The following THBS2 variants were observed in gnomAD, a reference collection of about 807,000 sequenced individuals.
THBS2 encodes the protein thrombospondin 2.
In THBS2, 47 loss-of-function variants were observed where a neutral mutation model predicts 135.2. The ratio of observed to expected loss-of-function variants is 0.35; its 90% confidence interval spans 0.28 to 0.44. THBS2 has a LOEUF of 0.44. Ranked by LOEUF, THBS2 falls within the 20% of genes least tolerant of loss-of-function variation. The probability of loss-of-function intolerance (pLI) is 1.00; values close to 1 mark genes in which losing one functional copy is unlikely to be tolerated. For synonymous variants in THBS2, 639 were observed against 633.8 expected, an observed-to-expected ratio of 1.01 and a Z score of -0.12; for missense variants, 1,288 against 1,603.1, an observed-to-expected ratio of 0.80 and a Z score of 3.36.
chr6:169,245,740 C>T (rs1413752060), intron 4 of THBS2, among the ~76,000 whole-genome samples: 1 of 150,426 alleles, frequency 6.6e-6, no homozygotes, highest in African/African-American at 2.5e-5. Context: ...TGCAGTGAGC[C>T]CAGATCGCAC....
chr6:169,232,854 C>G, intron 11 of THBS2, 36 bp downstream of exon 11: 1 of 1,606,578 alleles, frequency 6.2e-7, no homozygotes, highest in Non-Finnish European at 8.5e-7. Context: ...CGCTCCCGAC[C>G]TCAGGGCGCC....
rs1780782027 is a variant in THBS2 at position 169,252,270 on chromosome 6, C to T, written c.-23+1454G>A. On this transcript the variant is annotated intron_variant, in intron 1 of 21. Transcript: ENST00000617924. This position sits in a 1 kb window ranked among gnomAD's most constrained non-coding sequence, Gnocchi z 4.3. ...GAGGGTTTAATGACAGGAGCGAACA[C>T]TTGGCCATGAGCTTAGAACAGTACC... is the stretch of plus-strand genomic sequence containing the variant. The T allele has an allele frequency of 6.6e-6, 1 of 152,190 alleles. No homozygotes were observed. The highest frequency in any genetic ancestry group is 1.5e-5 in the Non-Finnish European group (1 of 68,070). The allele number at this position is 152,190 out of a possible 1,614,324, so 9.4% of individuals were successfully genotyped here.
chr6:169,236,323 A>C (rs1420479487), intron 9 of THBS2, among the ~76,000 whole-genome samples: 22 of 26,472 alleles, frequency 8.3e-4, no homozygotes, highest in Admixed American at 1.7e-3. Context: ...ATCCACACTC[A>C]CTCCCCCATC....
At chr6:169,227,691 A>G (rs187552799) in intron 15 of THBS2, among the ~76,000 whole-genome samples, 1 of 152,318 alleles carries the variant, frequency 6.6e-6, no homozygotes, top group African/African-American at 2.4e-5. Flanking sequence ...AACTGAATGA[A>G]TCATTTAATC....
chr6:169,217,786 T>G lies in THBS2; in HGVS notation c.*36A>C, dbSNP rs760241678. Reference sequence around the variant, plus strand: ...ACTGAGGTGTCTAGGGACCATGGCATGCACAGGGCATTGCCGGAAATGCAG... The same window carrying G: ...ACTGAGGTGTCTAGGGACCATGGCAGGCACAGGGCATTGCCGGAAATGCAG... On this transcript the variant is annotated 3_prime_UTR_variant, in exon 22 of 22. Transcript: ENST00000617924. 4.2e-5 allele frequency: 68 copies of G among 1,610,062 alleles called. 1 individual carries two copies. Among genetic ancestry groups the G allele is most frequent in the Middle Eastern group, 1.7e-4 (1 of 5,992 alleles).
chr6:169,221,612 C>T, intron 19 of THBS2, 85 bp from the exon 20 acceptor site: 1 of 1,198,644 alleles, frequency 8.3e-7, no homozygotes. Context: ...GAAGCAAAAA[C>T]ATGACTTTGC....
chr6:169,237,804 G>A lies in THBS2; in HGVS notation c.1130-9C>T, dbSNP rs983300979. ...CTCCTCACCGTCCACCGCTGCCAGA[G>A]GAAGCAAACACGGTGGCATCAGGCC... On this transcript the variant is annotated splice_polypyrimidine_tract_variant and intron_variant, in intron 7 of 21. Transcript: ENST00000617924. 1.2e-6 allele frequency: 2 copies of A among 1,606,782 alleles called. No individual in the cohort carries two copies. The highest frequency in any genetic ancestry group is 2.7e-5 in the African/African-American group (2 of 74,868).
intron 2 of THBS2, 35 bp downstream of exon 2, chr6:169,250,698 G>A (rs1395822035): frequency 6.2e-7 from 1 of 1,603,298 alleles, no homozygotes; most frequent in Admixed American, 1.7e-5. Flanking sequence ...TATCTCACAA[G>A]CCAGAGAGAG....
At position 169,250,824 on chromosome 6, in the gene THBS2, C is replaced by A; in HGVS notation, c.-22-18G>T. ...CTGAGCTCCTGGGAATACAGGAAAC[C>A]CTTGTTAGTGATGAGTCCACAGCTG... On this transcript the variant is annotated intron_variant, in intron 1 of 21. Coordinates refer to ENST00000617924, the MANE Select transcript of THBS2 (RefSeq NM_003247.5). The A allele has an allele frequency of 6.3e-7, 1 of 1,598,788 alleles. No homozygotes were observed. The highest frequency in any genetic ancestry group is 8.5e-7 in the Non-Finnish European group (1 of 1,170,512).
rs188662340 is a variant in THBS2 at position 169,222,001 on chromosome 6, T to A, written c.3273+196A>T. On this transcript the variant is annotated intron_variant, in intron 19 of 21. Transcript: ENST00000617924. The stretch of plus-strand genomic sequence containing the variant: ...AAAAGGATTAGCAACTGTATTTAAC[T>A]GGTAATTATCAACTGTGTTGAGTTG... Among the ~76,000 whole-genome samples the A allele has an allele frequency of 2.0e-4, 31 of 152,374 alleles. No homozygotes were observed. The East Asian group carries it at 5.0e-3, about 25-fold the overall frequency.
chr6:169,228,332 T>A (rs774459347), intron 14 of THBS2, 51 bp from the exon 15 acceptor site: 15 of 1,600,464 alleles, frequency 9.4e-6, no homozygotes, highest in African/African-American at 1.3e-5. Flanking sequence ...GGAATGTGTG[T>A]CGGGCCGTTT....
chr6:169,249,500 T>C (rs568140556), intron 2 of THBS2, among the ~76,000 whole-genome samples: 62 of 152,332 alleles, frequency 4.1e-4, no homozygotes, highest in African/African-American at 1.3e-3. Flanking sequence ...TTGCTATTGA[T>C]AGAGTGTCAG....
At chr6:169,239,468 C>G in intron 7 of THBS2, 131 bp downstream of exon 7, 3 of 806,240 alleles carry the variant, frequency 3.7e-6, no homozygotes, top group Non-Finnish European at 5.9e-6. Flanking sequence ...GGGTGGCCCT[C>G]TGATTCTCTC....
Position 169,222,140 on chromosome 6 carries a change from C to A in THBS2, c.3273+57G>T, listed in dbSNP as rs1779449486. On this transcript the variant is annotated intron_variant, in intron 19 of 21. Transcript: ENST00000617924. ...CTGGACTGGGCTAGTCCTGCTGAAA[C>A]ACTCTGCAGCCACAGTGGTGCAGAG... The A allele has an allele frequency of 5.9e-6, 9 of 1,525,990 alleles. No homozygotes were observed. In the East Asian group the frequency reaches 1.8e-4, roughly 31 times the overall value. 94.5% of individuals were successfully genotyped at this position (1,525,990 alleles called of 1,614,324 possible). A position where few individuals can be genotyped will look rare whatever the true frequency, so the allele number is the denominator to read the frequency against.
At chr6:169,239,442 G>C (rs894435586) in intron 7 of THBS2, 157 bp downstream of exon 7, 1 of 667,188 alleles carries the variant, frequency 1.5e-6, no homozygotes, top group African/African-American at 1.8e-5. Flanking sequence ...GTCCTCAGTG[G>C]ATGACCAGTG....
At chr6:169,240,015 G>A (rs746142600) in intron 6 of THBS2, among the ~76,000 whole-genome samples, 10 of 152,172 alleles carry the variant, frequency 6.6e-5, no homozygotes, top group Admixed American at 1.3e-4. Context: ...GTTATCTAAG[G>A]TAATGCTGAG....
chr6:169,248,707 CG>C lies in THBS2; in HGVS notation c.318del (p.Gly107ValfsTer64). The C allele has an allele frequency of 6.2e-7, 1 of 1,613,718 alleles. No homozygotes were observed. Among genetic ancestry groups the C allele is most frequent in the East Asian group, 2.2e-5 (1 of 44,790 alleles). ...ATCTCGAACTGCCTCTGGGAGAGAC[CG>C]GGGCCCTCCAGAGCCAACAGCGTGC... is the stretch of plus-strand genomic sequence containing the variant. Reference protein sequence around the residue: ...SRGTLLALEGPGLSQRQFEIV... With the variant: ...SRGTLLALEGXGLSQRQFEIV... On this transcript the variant is annotated frameshift_variant, in exon 3 of 22. Coordinates refer to ENST00000617924, the MANE Select transcript of THBS2 (RefSeq NM_003247.5). LOFTEE classifies it high-confidence loss of function.
intron 9 of THBS2, 120 bp downstream of exon 9, chr6:169,237,050 C>T (rs1780122019): frequency 3.1e-5 from 37 of 1,182,788 alleles, no homozygotes; most frequent in Non-Finnish European, 4.3e-5. Flanking sequence ...TGCTGCTCGG[C>T]TGGGGCTGGG....
chr6:169,239,101 C>T (rs2115012336), intron 7 of THBS2: 1 of 153,712 alleles, frequency 6.5e-6, no homozygotes, highest in Non-Finnish European at 1.4e-5. Flanking sequence ...CCCCAGGGTG[C>T]CCACACGTGG....
Sources: gnomAD v4.1 joint callset for allele counts (sites outside exome capture counted in the v4.1 genomes callset) on GRCh38, gnomAD v4.1.1 for gene constraint, Gnocchi (gnomAD v3.1) non-coding constraint, MANE v1.5 for transcripts, NCBI Gene and HGNC (gene_info 2026-07-23, HGNC 2026-07-21) for gene names.